CIMIP4: variants seen among roughly 807,000 people sequenced by gnomAD.
The protein encoded by CIMIP4 is ciliary microtubule inner protein 4, also known as protein EAN57.
chr22:36,996,763 A>G, the CIMIP4 span, among the ~76,000 whole-genome samples: 6 of 152,308 alleles, frequency 3.9e-5, no homozygotes, highest in East Asian at 7.7e-4. Context: ...TGGTAGTGGG[A>G]GTATTGCCTG....
At chr22:36,993,044 G>A in the CIMIP4 span, among the ~76,000 whole-genome samples, 1 of 141,950 alleles carries the variant, frequency 7.0e-6, no homozygotes, top group South Asian at 2.2e-4. Flanking sequence ...ACGGAGTCTC[G>A]CTCTGTCTCC....
chr22:36,999,720 C>T, the CIMIP4 span: 2 of 1,324,034 alleles, frequency 1.5e-6, no homozygotes, highest in South Asian at 1.5e-5. Context: ...AATAAGTGTC[C>T]TTGAAGATGT....
the CIMIP4 span, chr22:36,991,695 G>T: frequency 1.0e-6 from 1 of 966,224 alleles, no homozygotes; most frequent in Non-Finnish European, 1.6e-6. Context: ...GTAAATTGTG[G>T]AACGGAAGGA....
the CIMIP4 span, among the ~76,000 whole-genome samples, chr22:36,996,499 A>G: frequency 6.6e-6 from 1 of 152,214 alleles, no homozygotes; most frequent in Non-Finnish European, 1.5e-5. Context: ...TTATAGAAAA[A>G]AAAAAATCAC....
At chr22:36,991,169 T>G in the CIMIP4 span, 3 of 1,612,458 alleles carry the variant, frequency 1.9e-6, no homozygotes, top group Non-Finnish European at 2.5e-6. Flanking sequence ...ACACCTCTAC[T>G]GTGTCAAAAC....
chr22:36,991,657 T>C, the CIMIP4 span: 3 of 1,291,696 alleles, frequency 2.3e-6, no homozygotes, highest in East Asian at 2.3e-5. Flanking sequence ...CCATGGCTTA[T>C]ATTGGGTGTC....
At chr22:37,006,502 C>G in the CIMIP4 span, among the ~76,000 whole-genome samples, 2 of 152,216 alleles carry the variant, frequency 1.3e-5, no homozygotes, top group African/African-American at 4.8e-5. Flanking sequence ...GGGCAAATTA[C>G]TTAGTTTCAC....
the CIMIP4 span, chr22:37,001,865 A>G: frequency 6.2e-7 from 1 of 1,604,888 alleles, no homozygotes; most frequent in Non-Finnish European, 8.5e-7. Context: ...CTGGTCCACC[A>G]CATTGCTCCC....
the CIMIP4 span, chr22:37,007,745 A>C: frequency 2.0e-5 from 3 of 152,270 alleles, no homozygotes; most frequent in Admixed American, 6.5e-5. Flanking sequence ...AATCTCTTTC[A>C]TAACAGCAGG....
chr22:36,991,412 C>T, the CIMIP4 span: 2 of 1,578,454 alleles, frequency 1.3e-6, no homozygotes, highest in Non-Finnish European at 1.7e-6. Context: ...CTCTCTGACC[C>T]TTAGAGCCAA....
chr22:37,002,263 C>T, the CIMIP4 span: 3 of 1,443,168 alleles, frequency 2.1e-6, no homozygotes, highest in Admixed American at 3.0e-5. Context: ...CCTGTTGGCC[C>T]TCCTTGTCAT....
At chr22:37,005,826 G>C in the CIMIP4 span, among the ~76,000 whole-genome samples, 1 of 152,132 alleles carries the variant, frequency 6.6e-6, no homozygotes, top group Non-Finnish European at 1.5e-5. Flanking sequence ...AGAAGGGACT[G>C]TTAAACAAAA....
chr22:36,991,257 AT>A, the CIMIP4 span: 1 of 1,613,898 alleles, frequency 6.2e-7, no homozygotes, highest in Non-Finnish European at 8.5e-7. Context: ...GGTTCATAGC[AT>A]TTTTCTGGTG....
the CIMIP4 span, among the ~76,000 whole-genome samples, chr22:36,992,302 G>A: frequency 4.6e-5 from 7 of 152,106 alleles, no homozygotes; most frequent in African/African-American, 9.7e-5. Context: ...AGCCGAGATC[G>A]TGCCACTGCA....
the CIMIP4 span, among the ~76,000 whole-genome samples, chr22:36,992,837 C>T: frequency 2.6e-5 from 4 of 150,958 alleles, no homozygotes; most frequent in African/African-American, 9.7e-5. Flanking sequence ...GTGGGCTGGG[C>T]GCGGTGGCTC....
At chr22:37,002,711 T>TC in the CIMIP4 span, among the ~76,000 whole-genome samples, 1 of 152,004 alleles carries the variant, frequency 6.6e-6, no homozygotes, top group African/African-American at 2.4e-5. Context: ...TCTTGAAACC[T>TC]CCCCCTCACT....
the CIMIP4 span, chr22:36,991,182 G>A: frequency 6.2e-7 from 1 of 1,613,958 alleles, no homozygotes; most frequent in Non-Finnish European, 8.5e-7. Flanking sequence ...GTCAAAACTA[G>A]TACTTGGAGC....
the CIMIP4 span, among the ~76,000 whole-genome samples, chr22:37,000,245 C>A: frequency 1.3e-4 from 20 of 152,264 alleles, no homozygotes; most frequent in African/African-American, 4.3e-4. Context: ...TGAGCATCTG[C>A]TACCTGCAAC....
the CIMIP4 span, chr22:37,000,044 C>A: frequency 6.4e-7 from 1 of 1,553,336 alleles, no homozygotes; most frequent in Non-Finnish European, 8.7e-7. Flanking sequence ...AGCCCCATAT[C>A]TCCCTCCAAC....
Sources: allele counts gnomAD v4.1 joint callset (sites outside exome capture counted in the v4.1 genomes callset), GRCh38; gene constraint gnomAD v4.1.1; transcripts MANE v1.5; gene names NCBI Gene and HGNC (gene_info 2026-07-23, HGNC 2026-07-21).